The following GORAB variants were observed in gnomAD, a reference collection of about 807,000 sequenced individuals.
GORAB encodes the protein golgin, RAB6 interacting.
A neutral mutation model predicts 29.9 loss-of-function variants in GORAB; 17 were observed. The observed-to-expected ratio is 0.57, with a 90% CI of 0.39 to 0.85. The LOEUF (loss-of-function observed/expected upper bound fraction) is 0.85, where lower values mean the gene tolerates loss of function less well. Among genes scored for constraint, GORAB ranks in the 40% least tolerant of loss-of-function variants. GORAB has a pLI of 0.00. For synonymous variants in GORAB, 183 were observed against 157.2 expected, an observed-to-expected ratio of 1.16 and a Z score of -1.23; for missense variants, 442 against 437.8, an observed-to-expected ratio of 1.01 and a Z score of -0.09.
Position 170,553,460 on chromosome 1 carries a change from A to G in GORAB, c.*998A>G, listed in dbSNP as rs1364927513. On this transcript the variant is annotated 3_prime_UTR_variant, in exon 5 of 5. Coordinates refer to ENST00000367763, the MANE Select transcript of GORAB (RefSeq NM_152281.3). ...TTTTCTCACAAAGTCTGTGAATATC[A>G]CATTATGATTTATTTATCAGAAATT... 1.1e-5 allele frequency: 5 copies of G among 437,304 alleles called. No homozygotes were observed. The East Asian group carries it at 3.5e-4, about 31-fold the overall frequency. The allele number at this position is 437,304 out of a possible 1,614,324, so 27.1% of individuals were successfully genotyped here. A position where few individuals can be genotyped will look rare whatever the true frequency, so the allele number is the denominator to read the frequency against.
At chr1:170,550,564 G>A (rs1291379086) in intron 4 of GORAB, among the ~76,000 whole-genome samples, 2 of 152,194 alleles carry the variant, frequency 1.3e-5, no homozygotes, top group Non-Finnish European at 2.9e-5. Context: ...AGCCTTGACC[G>A]AAATGGGTAC....
In GORAB at chr1:170,539,547, G is replaced by C; in HGVS notation, c.399G>C (p.Leu133Phe). The change falls in exon 2 of 5, where the codon TTG becomes TTC. Residue 133 changes from leucine to phenylalanine, a missense_variant. By Grantham distance (22) the Leu-to-Phe change is conservative. Coordinates refer to ENST00000367763, the MANE Select transcript of GORAB (RefSeq NM_152281.3). ...EILPPKPDCKLEKKKVELQEK... is the reference protein window; with the variant it reads ...EILPPKPDCKFEKKKVELQEK... Reference sequence around the variant, plus strand: ...TACCTCCAAAGCCAGATTGCAAATTGGAGAAAAAGAAAGTGGAATTGTTAG... The same window carrying C: ...TACCTCCAAAGCCAGATTGCAAATTCGAGAAAAAGAAAGTGGAATTGTTAG... 1 of 1,613,922 alleles carries C rather than the reference G, an allele frequency of 6.2e-7. No individual in the cohort carries two copies. The highest frequency in any genetic ancestry group is 8.5e-7 in the Non-Finnish European group (1 of 1,179,920).
In GORAB at chr1:170,553,471, T is replaced by TA. The variant is rs1167321881; in HGVS notation, c.*1010dup. Reference sequence around the variant, plus strand: ...AGTCTGTGAATATCACATTATGATTTATTTATCAGAAATTCCAAAAAGTAA... The same window carrying TA: ...AGTCTGTGAATATCACATTATGATTTAATTTATCAGAAATTCCAAAAAGTAA... On this transcript the variant is annotated 3_prime_UTR_variant, in exon 5 of 5. Transcript: ENST00000367763. The TA allele has an allele frequency of 2.3e-6, 1 of 431,368 alleles. No homozygotes were observed. Among genetic ancestry groups the TA allele is most frequent in the Non-Finnish European group, 4.5e-6 (1 of 220,908 alleles). The allele number at this position is 431,368 out of a possible 1,614,324, so 26.7% of individuals were successfully genotyped here.
intron 1 of GORAB, chr1:170,533,352 C>CT (rs1443753993): frequency 2.0e-5 from 5 of 246,802 alleles, no homozygotes; most frequent in African/African-American, 8.7e-5. Context: ...TTTAAAAACT[C>CT]TATCATAAAG....
At chr1:170,533,451 C>G (rs1648841806) in intron 1 of GORAB, 1 of 378,838 alleles carries the variant, frequency 2.6e-6, no homozygotes, top group Admixed American at 2.7e-5. Context: ...CATTCACATA[C>G]TTTGATATAC....
At chr1:170,540,803 A>T (rs543121850) in intron 2 of GORAB, among the ~76,000 whole-genome samples, 27 of 152,348 alleles carry the variant, frequency 1.8e-4, no homozygotes, top group Middle Eastern at 3.4e-3. Context: ...TGAGGTTTTA[A>T]GGAGGAGAAA....
intron 4 of GORAB, among the ~76,000 whole-genome samples, chr1:170,549,219 T>C (rs1374756836): frequency 6.6e-6 from 1 of 152,244 alleles, no homozygotes; most frequent in Admixed American, 6.5e-5. Context: ...TACTGTGTTA[T>C]GTATAATGCT....
intron 2 of GORAB, among the ~76,000 whole-genome samples, chr1:170,540,771 C>G (rs554237421): frequency 5.9e-5 from 9 of 152,244 alleles, no homozygotes; most frequent in African/African-American, 2.2e-4. Flanking sequence ...AACCTCAAAC[C>G]ATTCACGTAA....
Position 170,544,728 on chromosome 1 carries a change from C to A in GORAB, c.545C>A (p.Thr182Asn). Residue 182 changes from threonine to asparagine, a missense_variant, in exon 4 of 5, where the codon ACC becomes AAC. Transcript: ENST00000367763. ...AERSKRTQAE[T>N]MKLKRIQKEL... ...AGATCCAAAAGAACTCAGGCAGAGA[C>A]CATGAAACTAAAGCGGATCCAGAAG... 1 of 1,614,004 alleles carries A rather than the reference C, an allele frequency of 6.2e-7. No individual in the cohort carries two copies. Among genetic ancestry groups the A allele is most frequent in the Non-Finnish European group, 8.5e-7 (1 of 1,179,910 alleles).
In GORAB at chr1:170,538,943, G is replaced by A. The variant is rs1041772480; in HGVS notation, c.62-267G>A. On this transcript the variant is annotated intron_variant, in intron 1 of 4. Coordinates refer to ENST00000367763, the MANE Select transcript of GORAB (RefSeq NM_152281.3). The stretch of plus-strand genomic sequence containing the variant: ...AGTTGAAAAAGAAACTTCACTTTGT[G>A]ACCTAAGGCCTAACTCACTGATGGA... The A allele has an allele frequency of 1.8e-5, 8 of 446,234 alleles. No homozygotes were observed. The Admixed American group carries it at 3.0e-4, about 17-fold the overall frequency. 27.6% of individuals were successfully genotyped at this position (446,234 alleles called of 1,614,324 possible).
chr1:170,539,176 A>G, intron 1 of GORAB, 34 bp from the exon 2 acceptor site: 1 of 1,613,340 alleles, frequency 6.2e-7, no homozygotes, highest in Non-Finnish European at 8.5e-7. Flanking sequence ...TGCTGCCCAC[A>G]CAAAGGAATT....
Position 170,542,487 on chromosome 1 carries a change from C to T in GORAB, c.420-4C>T, listed in dbSNP as rs1428192500. ...CTCATTTTTATGCTTTTTTTGCCCC[C>T]TAGGCAAGAAAAATCTCGTTGGGAA... On this transcript the variant is annotated splice_polypyrimidine_tract_variant and splice_region_variant and intron_variant, in intron 2 of 4. Transcript: ENST00000367763. The T allele has an allele frequency of 6.2e-7, 1 of 1,604,928 alleles. No homozygotes were observed. The highest frequency in any genetic ancestry group is 8.5e-7 in the Non-Finnish European group (1 of 1,172,036).
chr1:170,550,580 G>T (rs1037930425), intron 4 of GORAB, among the ~76,000 whole-genome samples: 1 of 152,192 alleles, frequency 6.6e-6, no homozygotes, highest in East Asian at 1.9e-4. Context: ...GGTACACATG[G>T]TAAATGTCAG....
intron 4 of GORAB, chr1:170,545,764 T>C (rs1649718811): frequency 1.0e-6 from 1 of 983,038 alleles, no homozygotes; most frequent in African/African-American, 1.7e-5. Context: ...TTGTGGTTTT[T>C]AATAAACTGT....
chr1:170,539,684 C>CCTATGATTGAATG, intron 2 of GORAB, 117 bp downstream of exon 2: 1 of 1,088,808 alleles, frequency 9.2e-7, no homozygotes, highest in Non-Finnish European at 1.3e-6. Context: ...TATATTCATT[C>CCTATGATTGAATG]AATCATAGGA....
chr1:170,543,824 G>A (rs1042239788), intron 3 of GORAB, among the ~76,000 whole-genome samples: 2 of 152,088 alleles, frequency 1.3e-5, no homozygotes, highest in Non-Finnish European at 2.9e-5. Flanking sequence ...TACAACGTTT[G>A]AACTATTAAT....
At chr1:170,533,106 G>T (rs1296885914) in intron 1 of GORAB, among the ~76,000 whole-genome samples, 1 of 152,192 alleles carries the variant, frequency 6.6e-6, no homozygotes, top group Non-Finnish European at 1.5e-5. Flanking sequence ...CACAATTTCT[G>T]TAAGAAGTGT....
At chr1:170,537,303 T>A (rs938116379) in intron 1 of GORAB, among the ~76,000 whole-genome samples, 1 of 152,202 alleles carries the variant, frequency 6.6e-6, no homozygotes, top group Non-Finnish European at 1.5e-5. Flanking sequence ...AGAAGTGTTA[T>A]GTCACTACTG....
chr1:170,541,020 G>A (rs970165866), intron 2 of GORAB, among the ~76,000 whole-genome samples: 1 of 151,972 alleles, frequency 6.6e-6, no homozygotes. Context: ...TGGCCAACAT[G>A]GGGAAACCCT....
Sources: allele counts gnomAD v4.1 joint callset (sites outside exome capture counted in the v4.1 genomes callset), GRCh38; gene constraint gnomAD v4.1.1; transcripts MANE v1.5; gene names NCBI Gene and HGNC (gene_info 2026-07-23, HGNC 2026-07-21).